RNF17: variants seen among roughly 807,000 people sequenced by gnomAD.
The protein encoded by RNF17 is ring finger protein 17.
RNF17 carries 31 observed loss-of-function variants against 200.5 expected under a neutral mutation model. The ratio of observed to expected loss-of-function variants is 0.15; its 90% confidence interval spans 0.12 to 0.21. The LOEUF (loss-of-function observed/expected upper bound fraction) is 0.21, where lower values mean the gene tolerates loss of function less well. RNF17 is among the 10% of genes least tolerant of loss of function. The pLI, the probability that RNF17 is intolerant of heterozygous loss-of-function variation, is 1.00. For missense variants in RNF17, 1,628 were observed against 1,905.1 expected (o/e 0.85, Z 2.71); for synonymous variants, 606 against 637.8 (o/e 0.95, Z 0.75).
chr13:24,750,032 G>A, the RNF17 span, among the ~76,000 whole-genome samples: 3 of 152,166 alleles, frequency 2.0e-5, no homozygotes, highest in Admixed American at 6.5e-5. Context: ...GATTACAGGC[G>A]TGAGTCACCA....
intron 9 of RNF17, 117 bp downstream of exon 9, chr13:24,789,889 T>A: frequency 1.5e-6 from 1 of 660,110 alleles, no homozygotes; most frequent in Non-Finnish European, 2.7e-6. Flanking sequence ...AAGGGCAAAA[T>A]AGTTTCTATA....
At chr13:24,775,884 G>A (rs746834918) in intron 3 of RNF17, among the ~76,000 whole-genome samples, 4 of 152,054 alleles carry the variant, frequency 2.6e-5, no homozygotes, top group Non-Finnish European at 4.4e-5. Flanking sequence ...TCTGGTTTGG[G>A]ACACAGAGTA....
chr13:24,830,449 C>T, intron 16 of RNF17, 35 bp from the exon 17 acceptor site: 2 of 1,336,832 alleles, frequency 1.5e-6, no homozygotes, highest in East Asian at 2.3e-5. Context: ...ATTCTGTTTC[C>T]AAGTTTGTAA....
chr13:24,819,276 A>G (rs987858929), intron 15 of RNF17, among the ~76,000 whole-genome samples: 3 of 152,166 alleles, frequency 2.0e-5, no homozygotes, highest in African/African-American at 7.2e-5. Flanking sequence ...AAGTGGTCTC[A>G]GACAGAATTT....
intron 9 of RNF17, 49 bp downstream of exon 9, chr13:24,789,821 T>TA: frequency 9.8e-7 from 1 of 1,018,654 alleles, no homozygotes; most frequent in Non-Finnish European, 1.5e-6. Flanking sequence ...TGACAGTACT[T>TA]ACATTATCTA....
chr13:24,844,491 A>G (rs1891027710), intron 20 of RNF17, among the ~76,000 whole-genome samples, 161 bp from the exon 21 acceptor site: 1 of 152,198 alleles, frequency 6.6e-6, no homozygotes, highest in Admixed American at 6.5e-5. Flanking sequence ...AGGAAGAGCT[A>G]GTTCAAAAAC....
At chr13:24,823,562 G>A (rs1037127316) in intron 15 of RNF17, among the ~76,000 whole-genome samples, 8 of 152,200 alleles carry the variant, frequency 5.3e-5, no homozygotes, top group African/African-American at 1.9e-4. Flanking sequence ...AGAGGAAGGC[G>A]CCATCTTTCC....
chr13:24,822,987 C>CT (rs1335768414), intron 15 of RNF17, among the ~76,000 whole-genome samples: 1 of 152,150 alleles, frequency 6.6e-6, no homozygotes, highest in Non-Finnish European at 1.5e-5. Context: ...TTCATTTCAA[C>CT]TTTAAGAACT....
chr13:24,796,133 C>G lies in RNF17; in HGVS notation c.1241-4C>G. The G allele has an allele frequency of 6.3e-7, 1 of 1,593,090 alleles. No individual in the cohort carries two copies. Among genetic ancestry groups the G allele is most frequent in the Non-Finnish European group, 8.5e-7 (1 of 1,170,310 alleles). On this transcript the variant is annotated splice_region_variant and splice_polypyrimidine_tract_variant and intron_variant, in intron 10 of 35. Transcript: ENST00000255324. ...ATTAATGTGACTTAAACATTTTTATCCAGGTTCTGCAGAGCTAGTTTTTGT... is the reference window on the plus strand; with the variant it reads ...ATTAATGTGACTTAAACATTTTTATGCAGGTTCTGCAGAGCTAGTTTTTGT...
chr13:24,749,624 G>C, the RNF17 span, among the ~76,000 whole-genome samples: 107 of 152,258 alleles, frequency 7.0e-4, no homozygotes, highest in Non-Finnish European at 1.4e-3. Context: ...CATTGAGTTG[G>C]ACCCAGAGAA....
the RNF17 span, chr13:24,885,519 G>T: frequency 8.2e-7 from 1 of 1,215,030 alleles, no homozygotes; most frequent in Non-Finnish European, 1.2e-6. Context: ...TTTTTTACAC[G>T]TGGTTTAGAA....
At chr13:24,813,868 C>T (rs548721622) in intron 15 of RNF17, among the ~76,000 whole-genome samples, 12 of 123,906 alleles carry the variant, frequency 9.7e-5, no homozygotes, top group Admixed American at 5.8e-4. Context: ...TGCTGTGTTG[C>T]CCAGGTTGGT....
intron 15 of RNF17, among the ~76,000 whole-genome samples, chr13:24,812,294 A>ACTC (rs1254897535): frequency 5.3e-5 from 8 of 151,342 alleles, no homozygotes; most frequent in Admixed American, 2.0e-4. Context: ...AGTCAGCGAG[A>ACTC]CTCCGTGGGC....
intron 2 of RNF17, among the ~76,000 whole-genome samples, chr13:24,771,325 T>C (rs1880651476): frequency 2.8e-5 from 1 of 35,950 alleles, no homozygotes; most frequent in Non-Finnish European, 5.3e-5. Context: ...CAGATAATCT[T>C]TTTTTTTTTT....
In RNF17 at chr13:24,799,567, A is replaced by T; in HGVS notation, c.1572A>T (p.Glu524Asp). 6.2e-7 allele frequency: 1 copy of T among 1,601,158 alleles called. No homozygotes were observed. The stretch of plus-strand genomic sequence containing the variant: ...TCATGGTAGATTTTGGAAATTCTGA[A>T]GTCCTGATTGTCACTGGGTATGATA... ...QIFMVDFGNSEVLIVTGVVDT... is the reference protein window; with the variant it reads ...QIFMVDFGNSDVLIVTGVVDT... The change falls in exon 12 of 36, where the codon GAA (glutamate) becomes GAT (aspartate). Residue 524 changes from glutamate to aspartate, a missense_variant. By Grantham distance (45) the Glu-to-Asp change is conservative. This residue lies in a region of RNF17 where 289 missense variants were observed against 384.9 expected (regional missense o/e 0.75). Coordinates refer to ENST00000255324, the MANE Select transcript of RNF17 (RefSeq NM_031277.3).
At chr13:24,778,498 C>G in intron 4 of RNF17, 92 bp downstream of exon 4, 3 of 842,890 alleles carry the variant, frequency 3.6e-6, no homozygotes, top group South Asian at 1.4e-5. Context: ...ATTATAGATT[C>G]TTTTGGAAGT....
At chr13:24,883,102 A>G (rs1953907927), downstream of RNF17, 5 of 1,299,792 alleles carry the variant, frequency 3.8e-6, no homozygotes, top group Non-Finnish European at 5.6e-6. Context: ...AATAAATTAA[A>G]CAGAATCCAC....
chr13:24,881,831 TATATAG>T (rs372443851), downstream of RNF17, among the ~76,000 whole-genome samples: 351 of 134,056 alleles, frequency 2.6e-3, 1 homozygote, highest in African/African-American at 8.8e-3. Context: ...TAGATACATC[TATATAG>T]ATATATAGAT....
intron 2 of RNF17, among the ~76,000 whole-genome samples, chr13:24,773,585 G>T (rs530194283): frequency 1.4e-4 from 22 of 152,284 alleles, no homozygotes; most frequent in African/African-American, 5.3e-4. Context: ...AGAACTTTCT[G>T]TTGGGTTCTG....
Sources: gnomAD v4.1 joint callset for allele counts (sites outside exome capture counted in the v4.1 genomes callset) on GRCh38, gnomAD v4.1.1 for gene constraint, gnomAD v4.1.1 regional missense constraint, MANE v1.5 for transcripts, NCBI Gene and HGNC (gene_info 2026-07-23, HGNC 2026-07-21) for gene names.